Variants in TJP2 observed in about 807,000 individuals in gnomAD.
The protein encoded by TJP2 is tight junction protein 2.
Under a neutral mutation model 133.1 loss-of-function variants are expected in TJP2, and 91 were observed. The observed-to-expected ratio is 0.68, with a 90% CI of 0.58 to 0.81. The LOEUF (loss-of-function observed/expected upper bound fraction) is 0.81, where lower values mean the gene tolerates loss of function less well. TJP2 is among the 40% of genes least tolerant of loss of function. The pLI is 0.00. For missense variants in TJP2, 1,541 were observed against 1,565.6 expected (o/e 0.98, Z 0.26); for synonymous variants, 592 against 583.4 (o/e 1.01, Z -0.21).
chr9:69,249,345 T>C, intron 19 of TJP2, 30 bp from the exon 20 acceptor site: 3 of 1,583,022 alleles, frequency 1.9e-6, no homozygotes, highest in Non-Finnish European at 2.6e-6. Flanking sequence ...TTGGATGTTC[T>C]TGTTGTGAAT....
At chr9:69,203,472 G>T (rs7874185) in intron 1 of TJP2, among the ~76,000 whole-genome samples, 140,475 of 151,626 alleles carry the variant, frequency 0.93, 65,076 homozygotes, top group Middle Eastern at 0.95. Context: ...CGGATTTTTT[G>T]TGTGTGTTTT....
At chr9:69,253,996 G>A (rs953474617) in intron 22 of TJP2, 3 of 606,796 alleles carry the variant, frequency 4.9e-6, no homozygotes, top group Non-Finnish European at 8.9e-6. Flanking sequence ...GCACCTGGCT[G>A]GCTTCCTCAC....
intron 1 of TJP2, among the ~76,000 whole-genome samples, chr9:69,141,868 C>T (rs780135351): frequency 7.9e-5 from 12 of 152,174 alleles, no homozygotes; most frequent in Admixed American, 1.3e-4. Flanking sequence ...GGATTACAGG[C>T]GTGAGCCACA....
In TJP2 at chr9:69,133,546, CTTTTTT is replaced by C. The variant is rs10577570; in HGVS notation, c.-131+11839_-131+11844del. On this transcript the variant is annotated intron_variant, in intron 1 of 5. Coordinates refer to the TJP2 transcript ENST00000423935. ...ATGCTTTCCTGTTTCATTTTTCTGG[CTTTTTT>C]TTTTTTTTTTTTTTTTTGAGACAGG... Among the ~76,000 whole-genome samples, 383 of 104,718 alleles carry C rather than the reference CTTTTTT, an allele frequency of 3.7e-3. 9 individuals carry two copies. In the East Asian group the frequency reaches 0.051, roughly 14 times the overall value. The allele number at this position is 104,718 out of a possible 152,430, so 68.7% of individuals were successfully genotyped here.
At chr9:69,129,664 C>T (rs542949288) in intron 1 of TJP2, among the ~76,000 whole-genome samples, 15 of 152,138 alleles carry the variant, frequency 9.9e-5, no homozygotes, top group African/African-American at 3.6e-4. Context: ...AGGCTGGGTG[C>T]GATGTCTCAC....
At chr9:69,171,789 A>ATTTTTT (rs34717893), upstream of TJP2, among the ~76,000 whole-genome samples, 139 of 86,748 alleles carry the variant, frequency 1.6e-3, 2 homozygotes, top group East Asian at 2.1e-3. Context: ...GAGTAGAAGA[A>ATTTTTT]TTTTTTTTTT....
intron 11 of TJP2, among the ~76,000 whole-genome samples, chr9:69,230,751 C>T (rs76814262): frequency 0.014 from 2,091 of 152,260 alleles, 26 homozygotes; most frequent in Non-Finnish European, 0.022. Context: ...ACCTGCCTCG[C>T]AGGGACTGTG....
intron 1 of TJP2, among the ~76,000 whole-genome samples, chr9:69,204,141 C>T (rs1445243249): frequency 1.3e-5 from 2 of 152,188 alleles, no homozygotes; most frequent in African/African-American, 2.4e-5. Context: ...CAACGCCCCA[C>T]AGCTAAGTGA....
At chr9:69,223,946 T>A (rs1829118711) in intron 5 of TJP2, among the ~76,000 whole-genome samples, 1 of 152,270 alleles carries the variant, frequency 6.6e-6, no homozygotes, top group Non-Finnish European at 1.5e-5. Flanking sequence ...GATTTTTAGT[T>A]TGAACAATAA....
intron 2 of TJP2, among the ~76,000 whole-genome samples, chr9:69,167,758 C>T (rs1438160830): frequency 6.6e-6 from 1 of 151,504 alleles, no homozygotes; most frequent in African/African-American, 2.4e-5. Context: ...ATCCCAGCTA[C>T]TTGGGAGGCT....
chr9:69,221,626 T>C (rs1828870850), intron 5 of TJP2, 130 bp downstream of exon 5: 1 of 1,249,396 alleles, frequency 8.0e-7, no homozygotes, highest in Non-Finnish European at 1.1e-6. Context: ...TGATCTCGGC[T>C]CACTGCAACC....
intron 2 of TJP2, among the ~76,000 whole-genome samples, chr9:69,162,990 G>A (rs1824159479): frequency 6.6e-6 from 1 of 151,440 alleles, no homozygotes; most frequent in Non-Finnish European, 1.5e-5. Context: ...ACAGCATTTT[G>A]CAAATAATTA....
chr9:69,234,398 CT>C lies in TJP2; in HGVS notation c.1672-27del, dbSNP rs202100183. 299,004 of 949,496 alleles carry C rather than the reference CT, an allele frequency of 0.31. 11,507 individuals carry two copies. The highest frequency in any genetic ancestry group is 0.32 in the Non-Finnish European group (215,064 of 663,054). The allele number at this position is 949,496 out of a possible 1,614,324, so 58.8% of individuals were successfully genotyped here. On this transcript the variant is annotated intron_variant, in intron 11 of 22. Coordinates refer to ENST00000377245, the MANE Select transcript of TJP2 (RefSeq NM_004817.4). ...TCTTTCTTTCTTTCTTTCTTTCTTTCTTTTTTTTTTTTTTCTTTTTCTGTTT... is the reference window on the plus strand; with the variant it reads ...TCTTTCTTTCTTTCTTTCTTTCTTTCTTTTTTTTTTTTTCTTTTTCTGTTT...
Position 69,216,371 on chromosome 9 carries a change from C to T in TJP2, c.147C>T (p.Ser49=), listed in dbSNP as rs773181762. ...DSKRGFGIAV[S]GGRDNPHFEN... is the part of the protein sequence containing the mutation. The stretch of plus-strand genomic sequence containing the variant: ...AAAGAGGATTTGGAATTGCAGTGTC[C>T]GGAGGCAGAGACAACCCCCACTTTG... The change falls in exon 3 of 23, where the codon TCC becomes TCT. Residue 49 remains serine, a synonymous_variant. Transcript: ENST00000377245. 30 of 1,613,918 alleles carry T rather than the reference C, an allele frequency of 1.9e-5. No homozygotes were observed. In the Admixed American group the frequency reaches 3.0e-4, roughly 16 times the overall value.
intron 5 of TJP2, among the ~76,000 whole-genome samples, chr9:69,224,101 T>C (rs1027210655): frequency 8.5e-5 from 13 of 152,230 alleles, no homozygotes; most frequent in African/African-American, 2.9e-4. Context: ...TATTTAAAAA[T>C]ATGCATAACT....
intron 17 of TJP2, among the ~76,000 whole-genome samples, chr9:69,241,864 C>T (rs1262315177): frequency 6.6e-6 from 1 of 152,192 alleles, no homozygotes. Flanking sequence ...TGTTACAGCA[C>T]AGACATATTC....
intron 1 of TJP2, among the ~76,000 whole-genome samples, chr9:69,150,466 G>T (rs1823418144): frequency 6.6e-6 from 1 of 151,218 alleles, no homozygotes; most frequent in Non-Finnish European, 1.5e-5. Context: ...GCTAATTTTT[G>T]TATTTTTAGT....
intron 11 of TJP2, among the ~76,000 whole-genome samples, chr9:69,232,643 C>T (rs753258120): frequency 2.4e-4 from 36 of 152,132 alleles, no homozygotes; most frequent in Admixed American, 1.1e-3. Flanking sequence ...GGAATGAAGA[C>T]GTGAGCCAGA....
At chr9:69,201,290 C>G (rs1826970769) in intron 1 of TJP2, among the ~76,000 whole-genome samples, 1 of 152,218 alleles carries the variant, frequency 6.6e-6, no homozygotes, top group Non-Finnish European at 1.5e-5. Context: ...CCTTCTGATG[C>G]CATTGGTAGA....
Sources: gnomAD v4.1 joint callset for allele counts (sites outside exome capture counted in the v4.1 genomes callset) on GRCh38, gnomAD v4.1.1 for gene constraint, MANE v1.5 for transcripts, NCBI Gene and HGNC (gene_info 2026-07-23, HGNC 2026-07-21) for gene names.